PFKP: variants seen among roughly 807,000 people sequenced by gnomAD.
PFKP encodes ATP-dependent 6-phosphofructokinase, platelet type.
PFKP carries 101 observed loss-of-function variants against 94.3 expected under a neutral mutation model. The observed-to-expected ratio is 1.07, with a 90% CI of 0.91 to 1.26. The LOEUF is 1.26. Ranked by LOEUF, PFKP falls within the 50% of genes most tolerant of loss-of-function variation. PFKP has a pLI of 0.00. For missense variants in PFKP, 1,145 were observed against 1,103.3 expected, an observed-to-expected ratio of 1.04 and a Z score of -0.53; for synonymous variants, 573 against 432.6, an observed-to-expected ratio of 1.32 and a Z score of -4.03.
At chr10:3,095,143 A>G (rs1834368927) in intron 2 of PFKP, among the ~76,000 whole-genome samples, 1 of 133,156 alleles carries the variant, frequency 7.5e-6, no homozygotes, top group Admixed American at 7.6e-5. Context: ...ATTCTGAAAG[A>G]AAAAGCCTAC....
chr10:3,122,964 G>A (rs1186638908), intron 16 of PFKP, among the ~76,000 whole-genome samples: 2 of 152,202 alleles, frequency 1.3e-5, no homozygotes, highest in Non-Finnish European at 1.5e-5. Context: ...GGATGTCGCC[G>A]TGTTGTGCTT....
Position 3,135,736 on chromosome 10 carries a change from G to A in PFKP, c.2123G>A (p.Gly708Glu). The A allele has an allele frequency of 1.3e-6, 2 of 1,597,614 alleles. No individual in the cohort carries two copies. Among genetic ancestry groups the A allele is most frequent in the Non-Finnish European group, 1.7e-6 (2 of 1,166,672 alleles). The part of the protein sequence containing the change: ...TAKLKEARGR[G>E]KKFTTDDSIC... ...TAATCTTTTTTAAAATCTTTTATAG[G>A]AAAAAAATTTACCACCGATGATTCC... The change falls in exon 21 of 22, where the codon GGA (glycine) becomes GAA (glutamate). Residue 708 changes from glycine to glutamate, a missense_variant and splice_region_variant. Physicochemically the swap from Gly to Glu is moderately conservative, Grantham distance 98. This residue lies in a region of PFKP where 1,119 missense variants were observed against 1,062.8 expected (regional missense o/e 1.05). Transcript: ENST00000381125.
rs61755068 is a variant in PFKP at position 3,116,814 on chromosome 10, C to T, written c.1410C>T (p.Thr470=). Residue 470 remains threonine, a synonymous_variant, in exon 14 of 22, where the codon ACC becomes ACT. Coordinates refer to ENST00000381125, the MANE Select transcript of PFKP (RefSeq NM_002627.5). ...GCTGGACAGATGTCGGGGGCTGGAC[C>T]GGCCAAGGAGGCTCCATTCTTGGGA... ...EIGWTDVGGW[T]GQGGSILGTK... 10,242 of 1,613,458 alleles carry T rather than the reference C, an allele frequency of 6.3e-3. 180 individuals are homozygous for T. Among genetic ancestry groups the T allele is most frequent in the African/African-American group, 0.041 (3,082 of 75,000 alleles).
intron 20 of PFKP, 28 bp from the exon 21 acceptor site, chr10:3,135,708 T>TG: frequency 7.2e-7 from 1 of 1,386,828 alleles, no homozygotes; most frequent in Non-Finnish European, 1.0e-6. Context: ...GACAGGGTGT[T>TG]ATTAATCTTT....
chr10:3,132,199 G>C (rs925070799), intron 17 of PFKP, among the ~76,000 whole-genome samples, 181 bp from the exon 18 acceptor site: 4 of 152,168 alleles, frequency 2.6e-5, no homozygotes, highest in Admixed American at 1.3e-4. Context: ...AGCGTTCATC[G>C]CTGCAGACGT....
intron 19 of PFKP, 63 bp downstream of exon 19, chr10:3,133,377 G>C (rs1838828756): frequency 1.0e-5 from 11 of 1,061,042 alleles, no homozygotes; most frequent in Non-Finnish European, 1.3e-5. Context: ...AAAGATTAGT[G>C]TCTTATTTTA....
intron 4 of PFKP, among the ~76,000 whole-genome samples, chr10:3,103,120 T>C (rs1320371089): frequency 6.6e-6 from 1 of 152,258 alleles, no homozygotes; most frequent in Non-Finnish European, 1.5e-5. Flanking sequence ...AGATTCTTAA[T>C]TCCGTAATTG....
intron 18 of PFKP, 69 bp downstream of exon 18, chr10:3,132,510 T>A: frequency 9.0e-7 from 1 of 1,114,380 alleles, no homozygotes; most frequent in East Asian, 2.4e-5. Flanking sequence ...TTCTAGTCTG[T>A]GACTTGGGCT....
chr10:3,069,224 G>C (rs1343797169), intron 1 of PFKP: 2 of 1,404,720 alleles, frequency 1.4e-6, no homozygotes, highest in Non-Finnish European at 1.9e-6. Context: ...GAAGTGCTCT[G>C]GCGTTAGCAT....
rs758416735 is a variant in PFKP at position 3,132,368 on chromosome 10, AC to A, written c.1849-11del. 6.3e-7 allele frequency: 1 copy of A among 1,596,696 alleles called. No homozygotes were observed. The highest frequency in any genetic ancestry group is 8.6e-7 in the Non-Finnish European group (1 of 1,164,346). On this transcript the variant is annotated splice_polypyrimidine_tract_variant and intron_variant, in intron 17 of 21. Transcript: ENST00000381125. ...AAGTTTATTGTCTGATTAACAAAAT[AC>A]TCTCTTCCAGTCCAACGTGGAGCAC...
At chr10:3,136,092 C>T (rs1053929800) in intron 21 of PFKP, among the ~76,000 whole-genome samples, 5 of 152,188 alleles carry the variant, frequency 3.3e-5, no homozygotes, top group Non-Finnish European at 7.4e-5. Context: ...GGTGAAACCC[C>T]ATCTCTACTA....
In PFKP at chr10:3,105,136, G is replaced by T. The variant is rs1221684789; in HGVS notation, c.642G>T (p.Leu214=). The T allele has an allele frequency of 2.5e-6, 4 of 1,613,860 alleles. No individual in the cohort carries two copies. Among genetic ancestry groups the T allele is most frequent in the African/African-American group, 2.7e-5 (2 of 74,896 alleles). The change falls in exon 6 of 22, where the codon CTG becomes CTT. Residue 214 remains leucine (L), a synonymous_variant. Transcript: ENST00000381125. ...TAQSHQRTFV[L]EVMGRHCGYL... is the part of the protein sequence containing the mutation. Reference sequence around the variant, plus strand: ...CCAGCCACCAGAGGACCTTCGTTCTGGAGGTGATGGGACGACACTGTGGGT... The same window carrying T: ...CCAGCCACCAGAGGACCTTCGTTCTTGAGGTGATGGGACGACACTGTGGGT...
chr10:3,121,563 C>A (rs1270051980), intron 16 of PFKP, among the ~76,000 whole-genome samples: 1 of 145,242 alleles, frequency 6.9e-6, no homozygotes, highest in Admixed American at 7.1e-5. Context: ...ATTCCAGGGT[C>A]CTCTGCTATA....
chr10:3,096,791 C>G (rs1387626525), intron 2 of PFKP, among the ~76,000 whole-genome samples: 1 of 151,352 alleles, frequency 6.6e-6, no homozygotes, highest in East Asian at 1.9e-4. Flanking sequence ...TAGCAGAAAC[C>G]TGGGAGGCCG....
At chr10:3,130,224 T>A (rs1838420313) in intron 17 of PFKP, among the ~76,000 whole-genome samples, 7 of 142,380 alleles carry the variant, frequency 4.9e-5, no homozygotes, top group African/African-American at 1.8e-4. Context: ...GCTTGTTTGT[T>A]TGACATAGTC....
In PFKP at chr10:3,135,041, A is replaced by T. The variant is rs1046836139; in HGVS notation, c.2122+459A>T. Among the ~76,000 whole-genome samples, 4 of 151,998 alleles carry T rather than the reference A, an allele frequency of 2.6e-5. No homozygotes were observed. In the South Asian group the frequency reaches 8.3e-4, roughly 31 times the overall value. On this transcript the variant is annotated intron_variant, in intron 20 of 21. Coordinates refer to ENST00000381125, the MANE Select transcript of PFKP (RefSeq NM_002627.5). Reference sequence around the variant, plus strand: ...GTAGAACTGTGCATGTTCTTCCTTAAATCAGTTCTGTAAGTTACATATTCT... The same window carrying T: ...GTAGAACTGTGCATGTTCTTCCTTATATCAGTTCTGTAAGTTACATATTCT...
intron 17 of PFKP, among the ~76,000 whole-genome samples, chr10:3,131,449 G>C (rs756426348): frequency 6.6e-6 from 1 of 152,146 alleles, no homozygotes; most frequent in African/African-American, 2.4e-5. Flanking sequence ...AATTATGACA[G>C]ATTTTTATTT....
At chr10:3,079,766 G>C (rs930863217) in intron 1 of PFKP, among the ~76,000 whole-genome samples, 1 of 151,412 alleles carries the variant, frequency 6.6e-6, no homozygotes, top group African/African-American at 2.4e-5. Context: ...TGTTTGATGG[G>C]TAATTCATCC....
At chr10:3,095,814 C>T (rs975494940) in intron 2 of PFKP, among the ~76,000 whole-genome samples, 2 of 152,162 alleles carry the variant, frequency 1.3e-5, no homozygotes, top group African/African-American at 2.4e-5. Flanking sequence ...CTTAGAACTG[C>T]GGCTGGTAGT....
Sources: gnomAD v4.1 joint callset for allele counts (sites outside exome capture counted in the v4.1 genomes callset) on GRCh38, gnomAD v4.1.1 for gene constraint, gnomAD v4.1.1 regional missense constraint, MANE v1.5 for transcripts, NCBI Gene and HGNC (gene_info 2026-07-23, HGNC 2026-07-21) for gene names.